The following DNAH7 variants were observed in gnomAD, a reference collection of about 807,000 sequenced individuals.
The protein encoded by DNAH7 is dynein axonemal heavy chain 7.
DNAH7 carries 397 observed loss-of-function variants against 444.6 expected under a neutral mutation model. The observed-to-expected ratio is 0.89, with a 90% confidence interval of 0.82 to 0.97. DNAH7 has a LOEUF of 0.97. Among genes scored for constraint, DNAH7 ranks in the 50% least tolerant of loss-of-function variants. DNAH7 has a pLI of 0.00. For synonymous variants in DNAH7, 1,636 were observed against 1,624.4 expected (o/e 1.01, Z -0.17); for missense variants, 4,902 against 4,800.8 (o/e 1.02, Z -0.62).
intron 54 of DNAH7, among the ~76,000 whole-genome samples, chr2:195,804,687 G>C (rs1460579651): frequency 1.3e-5 from 2 of 152,182 alleles, no homozygotes; most frequent in African/African-American, 4.8e-5. Context: ...GCACCTCAGA[G>C]AATCTGACCC....
At chr2:195,970,816 TTATC>T (rs1187428662) in intron 16 of DNAH7, among the ~76,000 whole-genome samples, 1 of 152,226 alleles carries the variant, frequency 6.6e-6, no homozygotes, top group Non-Finnish European at 1.5e-5. Context: ...ATTTTATAGA[TTATC>T]TAGGCTGATT....
At chr2:195,874,027 T>G (rs1700878051) in intron 38 of DNAH7, among the ~76,000 whole-genome samples, 1 of 152,054 alleles carries the variant, frequency 6.6e-6, no homozygotes, top group Non-Finnish European at 1.5e-5. Flanking sequence ...ATGGTAAACA[T>G]CCTCAATACA....
intron 19 of DNAH7, among the ~76,000 whole-genome samples, chr2:195,951,072 C>T (rs183145299): frequency 2.0e-5 from 3 of 152,188 alleles, no homozygotes; most frequent in Non-Finnish European, 4.4e-5. Flanking sequence ...CTCCTGTGAG[C>T]ATTTAGTGCT....
At position 196,047,414 on chromosome 2, in the gene DNAH7, T is replaced by G. The variant is rs749080745; in HGVS notation, c.336A>C (p.Ser112=). The part of the protein sequence containing the change: ...DSYVGPSTSK[S]KGKSPHKERE... Reference sequence around the variant, plus strand: ...GTTCTTTATGTGGAGATTTGCCCTTTGATTTGGAAGTAGATGGTCCAACAT... The same window carrying G: ...GTTCTTTATGTGGAGATTTGCCCTTGGATTTGGAAGTAGATGGTCCAACAT... The change falls in exon 5 of 65, where the codon TCA becomes TCC. Residue 112 remains serine, a synonymous_variant. Coordinates refer to ENST00000312428, the MANE Select transcript of DNAH7 (RefSeq NM_018897.3). 1 of 1,604,702 alleles carries G rather than the reference T, an allele frequency of 6.2e-7. No individual in the cohort carries two copies. The highest frequency in any genetic ancestry group is 1.1e-5 in the South Asian group (1 of 89,072).
chr2:195,928,549 A>T (rs1451255790), intron 21 of DNAH7, among the ~76,000 whole-genome samples: 4 of 152,138 alleles, frequency 2.6e-5, no homozygotes. Context: ...GGCCTATGAA[A>T]ACTCATCTTC....
chr2:195,773,229 G>T (rs1256917999), intron 60 of DNAH7, among the ~76,000 whole-genome samples: 1 of 151,960 alleles, frequency 6.6e-6, no homozygotes, highest in African/African-American at 2.4e-5. Context: ...TGATTCCATA[G>T]TACCGGGTTT....
chr2:195,837,894 T>C (rs1265729828), intron 47 of DNAH7, among the ~76,000 whole-genome samples: 1 of 152,016 alleles, frequency 6.6e-6, no homozygotes, highest in African/African-American at 2.4e-5. Context: ...AATTGTGCAA[T>C]AGCAAGGGAA....
intron 60 of DNAH7, among the ~76,000 whole-genome samples, chr2:195,772,781 C>CTTT (rs201466193): frequency 3.7e-5 from 5 of 133,588 alleles, no homozygotes; most frequent in African/African-American, 5.6e-5. Flanking sequence ...TCTACTGTGA[C>CTTT]TTTTTTTTTT....
At chr2:195,749,057 A>T (rs1693618147) in intron 63 of DNAH7, among the ~76,000 whole-genome samples, 1 of 151,926 alleles carries the variant, frequency 6.6e-6, no homozygotes, top group East Asian at 1.9e-4. Flanking sequence ...CAACCTACAA[A>T]ATGGGAGAAA....
intron 56 of DNAH7, among the ~76,000 whole-genome samples, chr2:195,796,225 T>C (rs960072696): frequency 2.6e-5 from 4 of 152,216 alleles, no homozygotes; most frequent in Non-Finnish European, 4.4e-5. Flanking sequence ...AATTTCACCT[T>C]GAACAGTCCT....
intron 57 of DNAH7, 48 bp downstream of exon 57, chr2:195,794,290 T>C (rs747900883): frequency 2.1e-5 from 34 of 1,590,438 alleles, no homozygotes; most frequent in African/African-American, 5.4e-5. Flanking sequence ...CAGGGGCCAC[T>C]TGAAGTGCTT....
chr2:195,841,971 T>A (rs989262022), intron 47 of DNAH7, among the ~76,000 whole-genome samples: 1 of 152,044 alleles, frequency 6.6e-6, no homozygotes, highest in Non-Finnish European at 1.5e-5. Flanking sequence ...GAAGCAGCAA[T>A]ACATTTCAGA....
At chr2:195,964,624 T>C (rs1050794942) in intron 17 of DNAH7, among the ~76,000 whole-genome samples, 1 of 148,438 alleles carries the variant, frequency 6.7e-6, no homozygotes, top group African/African-American at 2.5e-5. Flanking sequence ...CCCAGCACTT[T>C]GGGAGGCCGA....
intron 22 of DNAH7, among the ~76,000 whole-genome samples, chr2:195,925,607 T>G (rs1218181997): frequency 6.6e-6 from 1 of 152,210 alleles, no homozygotes; most frequent in Non-Finnish European, 1.5e-5. Context: ...TGTTGGTAAG[T>G]TGGAGTGAAT....
chr2:195,899,353 C>T (rs916067037), intron 28 of DNAH7, among the ~76,000 whole-genome samples: 3 of 152,204 alleles, frequency 2.0e-5, no homozygotes, highest in African/African-American at 7.2e-5. Context: ...TGCTGCATAA[C>T]TTTAATAGCT....
intron 15 of DNAH7, among the ~76,000 whole-genome samples, chr2:195,978,322 T>C (rs1692338458): frequency 6.6e-6 from 1 of 152,122 alleles, no homozygotes; most frequent in East Asian, 1.9e-4. Context: ...CAATCAGTGT[T>C]GTCAACAATT....
At chr2:195,854,957 A>G (rs1699606220) in intron 45 of DNAH7, among the ~76,000 whole-genome samples, 1 of 152,214 alleles carries the variant, frequency 6.6e-6, no homozygotes, top group Non-Finnish European at 1.5e-5. Flanking sequence ...CAGGATAGTT[A>G]CTATAGAAAG....
intron 48 of DNAH7, among the ~76,000 whole-genome samples, chr2:195,833,010 C>T (rs1698146547): frequency 6.6e-6 from 1 of 152,186 alleles, no homozygotes; most frequent in Non-Finnish European, 1.5e-5. Context: ...GAAGCAAACA[C>T]TGAGTGACAG....
intron 22 of DNAH7, among the ~76,000 whole-genome samples, chr2:195,925,833 T>C (rs1688296046): frequency 6.6e-6 from 1 of 152,190 alleles, no homozygotes; most frequent in Non-Finnish European, 1.5e-5. Flanking sequence ...TAAAATCCTA[T>C]CTCAATGATA....
Sources: allele counts gnomAD v4.1 joint callset (sites outside exome capture counted in the v4.1 genomes callset), GRCh38; gene constraint gnomAD v4.1.1; transcripts MANE v1.5; gene names NCBI Gene and HGNC (gene_info 2026-07-23, HGNC 2026-07-21).